The following LRRC36 variants were observed in gnomAD, a reference collection of about 807,000 sequenced individuals.
LRRC36 encodes the protein leucine-rich repeat-containing protein 36.
In LRRC36, 62 loss-of-function variants were observed where a neutral mutation model predicts 81.1. That is an observed-to-expected ratio of 0.76 (90% CI 0.62 to 0.94). The LOEUF is 0.94. Among genes scored for constraint, LRRC36 ranks in the 40% least tolerant of loss-of-function variants. The pLI is 0.00. For synonymous variants in LRRC36, 334 were observed against 348.6 expected, an observed-to-expected ratio of 0.96 and a Z score of 0.47; for missense variants, 761 against 881.7, an observed-to-expected ratio of 0.86 and a Z score of 1.73.
chr16:67,331,074 A>C (rs1450838892), intron 1 of LRRC36, among the ~76,000 whole-genome samples: 1 of 67,662 alleles, frequency 1.5e-5, no homozygotes, highest in Admixed American at 1.4e-4. Flanking sequence ...AGAGAAAGAG[A>C]GAGAGAGAGA....
At chr16:67,375,685 C>A (rs2039864842) in intron 10 of LRRC36, among the ~76,000 whole-genome samples, 2 of 151,942 alleles carry the variant, frequency 1.3e-5, no homozygotes, top group African/African-American at 2.4e-5. Flanking sequence ...ATAGAGTAAC[C>A]AGATATGTAA....
Position 67,375,228 on chromosome 16 carries a change from C to CTTT in LRRC36, c.1495-11_1495-9dup. Reference sequence around the variant, plus strand: ...TGGGTTTTTTGTTTGTTTGTTTTTGCTTTTTTTTTTCTCTTGAGCCTCTCT... The same window carrying CTTT: ...TGGGTTTTTTGTTTGTTTGTTTTTGCTTTTTTTTTTTTTCTCTTGAGCCTCTCT... On this transcript the variant is annotated intron_variant, in intron 9 of 13. Transcript: ENST00000329956. 1 of 1,461,068 alleles carries CTTT rather than the reference C, an allele frequency of 6.8e-7. No individual in the cohort carries two copies. The allele number at this position is 1,461,068 out of a possible 1,614,324, so 90.5% of individuals were successfully genotyped here.
chr16:67,368,217 A>G (rs914641974), intron 8 of LRRC36, among the ~76,000 whole-genome samples: 1 of 152,232 alleles, frequency 6.6e-6, no homozygotes, highest in African/African-American at 2.4e-5. Context: ...ATATTTTACC[A>G]TAATAAGAAG....
Position 67,363,474 on chromosome 16 carries a change from G to A in LRRC36, c.578-116G>A, listed in dbSNP as rs576633290. On this transcript the variant is annotated intron_variant, in intron 5 of 13. Coordinates refer to ENST00000329956, the MANE Select transcript of LRRC36 (RefSeq NM_018296.6). ...AAATTCATGTGGTCTCCAAGTGGTG[G>A]CACCAGAACTAGCACTCAATCTTGT... 7 of 923,318 alleles carry A rather than the reference G, an allele frequency of 7.6e-6. No individual in the cohort carries two copies. In the East Asian group the frequency reaches 1.3e-4, roughly 18 times the overall value. 57.2% of individuals were successfully genotyped at this position (923,318 alleles called of 1,614,324 possible).
intron 7 of LRRC36, among the ~76,000 whole-genome samples, chr16:67,366,749 CAA>C (rs113366890): frequency 2.2e-5 from 3 of 137,880 alleles, no homozygotes; most frequent in Non-Finnish European, 1.6e-5. Context: ...GACCCTGTCT[CAA>C]AAAAAAAAAA....
At chr16:67,375,155 C>G in intron 9 of LRRC36, 92 bp from the exon 10 acceptor site, 1 of 1,375,402 alleles carries the variant, frequency 7.3e-7, no homozygotes, top group Non-Finnish European at 1.0e-6. Context: ...AAAAAAGTCT[C>G]AATGTCTAAA....
At chr16:67,367,913 T>G (rs1157680201) in intron 8 of LRRC36, among the ~76,000 whole-genome samples, 1 of 152,082 alleles carries the variant, frequency 6.6e-6, no homozygotes, top group African/African-American at 2.4e-5. Flanking sequence ...ACAAAATAGC[T>G]GAGCATGGTG....
chr16:67,361,023 T>C (rs1289994888), intron 5 of LRRC36, among the ~76,000 whole-genome samples: 1 of 152,226 alleles, frequency 6.6e-6, no homozygotes, highest in East Asian at 1.9e-4. Context: ...TGTACAAATA[T>C]GACAACCTAA....
intron 4 of LRRC36, among the ~76,000 whole-genome samples, chr16:67,348,260 TA>T (rs780006271): frequency 2.1e-4 from 32 of 152,322 alleles, no homozygotes; most frequent in Admixed American, 3.9e-4. Flanking sequence ...TAACTATTAG[TA>T]ATGTTTGGTA....
In LRRC36 at chr16:67,384,919, C is replaced by A. The variant is rs753740871; in HGVS notation, c.2095C>A (p.Pro699Thr). The A allele has an allele frequency of 6.2e-7, 1 of 1,614,146 alleles. No homozygotes were observed. The highest frequency in any genetic ancestry group is 2.2e-5 in the East Asian group (1 of 44,884). The change falls in exon 14 of 14, where the codon CCA becomes ACA. Residue 699 changes from proline (P) to threonine (T), a missense_variant. Pro to Thr is a conservative substitution (Grantham distance 38). Coordinates refer to ENST00000329956, the MANE Select transcript of LRRC36 (RefSeq NM_018296.6). Reference sequence around the variant, plus strand: ...TCTGCTGCAGCAGCTGAATAAGGAGCCAAAAGGTTATTCCGGGAAAGCGCT... The same window carrying A: ...TCTGCTGCAGCAGCTGAATAAGGAGACAAAAGGTTATTCCGGGAAAGCGCT... ...EYLLQQLNKEPKGYSGKALLP... is the reference protein window; with the variant it reads ...EYLLQQLNKETKGYSGKALLP...
rs756512821 is a variant in LRRC36 at position 67,376,856 on chromosome 16, TG to T, written c.1792del (p.Val598SerfsTer8). 6.2e-7 allele frequency: 1 copy of T among 1,612,630 alleles called. No homozygotes were observed. Among genetic ancestry groups the T allele is most frequent in the Non-Finnish European group, 8.5e-7 (1 of 1,178,800 alleles). On this transcript the variant is annotated frameshift_variant, in exon 11 of 14. Coordinates refer to ENST00000329956, the MANE Select transcript of LRRC36 (RefSeq NM_018296.6). LOFTEE classifies it high-confidence loss of function. ...CTTGAACTGAAGGAGGCTGCGCAGC[TG>T]GTCCCTAATGACATGGTATGCCCCT... is the stretch of plus-strand genomic sequence containing the variant. ...RELELKEAAQ[L>X]VPNDMESLKQ...
chr16:67,342,083 A>G lies in LRRC36; in HGVS notation c.197A>G (p.Lys66Arg). 6.2e-7 allele frequency: 1 copy of G among 1,600,828 alleles called. No individual in the cohort carries two copies. The highest frequency in any genetic ancestry group is 8.5e-7 in the Non-Finnish European group (1 of 1,171,536). The change falls in exon 2 of 14, where the codon AAG becomes AGG. Residue 66 changes from lysine to arginine, a missense_variant and splice_region_variant. Coordinates refer to ENST00000329956, the MANE Select transcript of LRRC36 (RefSeq NM_018296.6). ...TCAAGGAATTTGATCACTAGCCTTA[A>G]GGTAAGTTATATATTCTATGACCAG... is the stretch of plus-strand genomic sequence containing the variant. Reference protein sequence around the residue: ...DLSRNLITSLKGIQYLCSLQD... With the variant: ...DLSRNLITSLRGIQYLCSLQD...
chr16:67,346,689 C>T (rs765809439), intron 3 of LRRC36, among the ~76,000 whole-genome samples: 1 of 151,940 alleles, frequency 6.6e-6, no homozygotes, highest in East Asian at 1.9e-4. Flanking sequence ...ATGGTTTCAC[C>T]GCCCCTTCCT....
intron 1 of LRRC36, among the ~76,000 whole-genome samples, chr16:67,330,659 C>T (rs1332402218): frequency 6.6e-6 from 1 of 152,028 alleles, no homozygotes; most frequent in Non-Finnish European, 1.5e-5. Context: ...GTCAGGAGTT[C>T]AAGACCAGTC....
chr16:67,356,399 GTTCAT>G (rs1437972395), intron 5 of LRRC36, among the ~76,000 whole-genome samples: 1 of 152,162 alleles, frequency 6.6e-6, no homozygotes, highest in Admixed American at 6.5e-5. Context: ...TAAACTAGAA[GTTCAT>G]TTATCTCTCT....
chr16:67,382,797 C>T (rs1003701065), intron 13 of LRRC36, among the ~76,000 whole-genome samples: 4 of 152,098 alleles, frequency 2.6e-5, no homozygotes, highest in Non-Finnish European at 5.9e-5. Flanking sequence ...TCCTGGCCAA[C>T]GTGGTGAAAC....
At chr16:67,335,082 A>G (rs2037695226) in intron 1 of LRRC36, among the ~76,000 whole-genome samples, 1 of 152,200 alleles carries the variant, frequency 6.6e-6, no homozygotes, top group East Asian at 1.9e-4. Flanking sequence ...ACGCATTGTC[A>G]TTGATAACAT....
intron 5 of LRRC36, among the ~76,000 whole-genome samples, chr16:67,352,982 C>A (rs1463408166): frequency 6.6e-6 from 1 of 152,078 alleles, no homozygotes; most frequent in Non-Finnish European, 1.5e-5. Flanking sequence ...CCACTGTGCC[C>A]AGCCTGTTTA....
intron 12 of LRRC36, among the ~76,000 whole-genome samples, chr16:67,381,030 C>G (rs1356353676): frequency 6.6e-6 from 1 of 152,084 alleles, no homozygotes; most frequent in African/African-American, 2.4e-5. Context: ...TTGAGACCAG[C>G]CTGGCAAACA....
Sources: allele counts gnomAD v4.1 joint callset (sites outside exome capture counted in the v4.1 genomes callset), GRCh38; gene constraint gnomAD v4.1.1; transcripts MANE v1.5; gene names NCBI Gene and HGNC (gene_info 2026-07-23, HGNC 2026-07-21).